CNTNAP5: variants seen among roughly 807,000 people sequenced by gnomAD.
CNTNAP5 encodes the protein contactin-associated protein-like 5.
A neutral mutation model predicts 150.2 loss-of-function variants in CNTNAP5; 72 were observed. The observed-to-expected ratio is 0.48, with a 90% CI of 0.40 to 0.58. The LOEUF (loss-of-function observed/expected upper bound fraction) is 0.58, where lower values mean the gene tolerates loss of function less well. Ranked by LOEUF, CNTNAP5 falls within the 20% of genes least tolerant of loss-of-function variation. CNTNAP5 has a pLI of 0.00. For synonymous variants in CNTNAP5, 672 were observed against 619.8 expected (o/e 1.08, Z -1.25); for missense variants, 1,636 against 1,626.2 (o/e 1.01, Z -0.10).
intron 3 of CNTNAP5, among the ~76,000 whole-genome samples, chr2:124,309,938 G>A (rs2104655863): frequency 6.6e-6 from 1 of 152,276 alleles, no homozygotes; most frequent in East Asian, 1.9e-4. Context: ...CTAGGCATCG[G>A]GAATATTTGT....
chr2:124,152,792 C>A (rs1684436643), intron 1 of CNTNAP5, among the ~76,000 whole-genome samples: 1 of 152,134 alleles, frequency 6.6e-6, no homozygotes, highest in African/African-American at 2.4e-5. Flanking sequence ...AAGGAAATAG[C>A]CAGTGATTCT....
chr2:124,889,456 T>G (rs1678149327), intron 21 of CNTNAP5, among the ~76,000 whole-genome samples: 1 of 152,134 alleles, frequency 6.6e-6, no homozygotes, highest in Non-Finnish European at 1.5e-5. Flanking sequence ...GGGTCCAGTT[T>G]CATTATTCTA....
intron 13 of CNTNAP5, among the ~76,000 whole-genome samples, chr2:124,674,554 C>CTTTCTTTCTTT (rs1573539643): frequency 1.6e-5 from 1 of 61,556 alleles, no homozygotes; most frequent in East Asian, 4.8e-4. Flanking sequence ...TTTCTTTCTT[C>CTTTCTTTCTTT]CTTTCTTCCT....
At position 124,145,796 on chromosome 2, in the gene CNTNAP5, A is replaced by AT. The variant is rs1298406588; in HGVS notation, c.83-75909_83-75908insT. 2.3e-3 allele frequency among the ~76,000 whole-genome samples: 158 copies of AT among 69,130 alleles called. 2 individuals are homozygous for AT. The highest frequency in any genetic ancestry group is 3.9e-3 in the Admixed American group (18 of 4,580). The allele number at this position is 69,130 out of a possible 152,430, so 45.4% of individuals were successfully genotyped here. A position where few individuals can be genotyped will look rare whatever the true frequency, so the allele number is the denominator to read the frequency against. On this transcript the variant is annotated intron_variant, in intron 1 of 23. Coordinates refer to ENST00000682447, the MANE Select transcript of CNTNAP5 (RefSeq NM_001367498.1). Reference sequence around the variant, plus strand: ...GTACCCTAAAACTTAAAGTATAATAAAAAAAAAAAAAACATTAAAAAAAAA... The same window carrying AT: ...GTACCCTAAAACTTAAAGTATAATAATAAAAAAAAAAAACATTAAAAAAAAA...
At chr2:124,679,035 G>A (rs1679005273) in intron 13 of CNTNAP5, among the ~76,000 whole-genome samples, 1 of 151,918 alleles carries the variant, frequency 6.6e-6, no homozygotes, top group Non-Finnish European at 1.5e-5. Flanking sequence ...GTTTCAGGCA[G>A]GAAAGCAGAA....
chr2:124,165,714 C>T (rs111412040), intron 1 of CNTNAP5, among the ~76,000 whole-genome samples: 1,798 of 152,156 alleles, frequency 0.012, 32 homozygotes, highest in African/African-American at 0.04. Flanking sequence ...TTTAAGTCAC[C>T]AAACATGGAG....
chr2:124,450,580 A>G (rs966102834), intron 6 of CNTNAP5, among the ~76,000 whole-genome samples: 3 of 140,590 alleles, frequency 2.1e-5, no homozygotes, highest in Admixed American at 1.4e-4. Context: ...AAAAAAAAAA[A>G]GGGCAGAATG....
chr2:124,216,384 C>A (rs1368790931), intron 1 of CNTNAP5, among the ~76,000 whole-genome samples: 5 of 151,526 alleles, frequency 3.3e-5, no homozygotes, highest in African/African-American at 1.2e-4. Context: ...TTAAAAAATT[C>A]TTTTTTTTAA....
At chr2:124,077,512 A>G (rs1034176737) in intron 1 of CNTNAP5, among the ~76,000 whole-genome samples, 13 of 152,168 alleles carry the variant, frequency 8.5e-5, no homozygotes, top group African/African-American at 3.1e-4. Context: ...TGTCTGATGA[A>G]CCAAGCACAT....
intron 13 of CNTNAP5, among the ~76,000 whole-genome samples, chr2:124,703,622 G>C (rs1039092940): frequency 6.6e-6 from 1 of 152,142 alleles, no homozygotes; most frequent in African/African-American, 2.4e-5. Context: ...TGGCTAGTTT[G>C]AATATACCAT....
At chr2:124,756,173 A>G (rs1280642897) in intron 14 of CNTNAP5, among the ~76,000 whole-genome samples, 1 of 152,222 alleles carries the variant, frequency 6.6e-6, no homozygotes, top group African/African-American at 2.4e-5. Context: ...TGGATGTCTA[A>G]GAAAAGTCTG....
intron 18 of CNTNAP5, among the ~76,000 whole-genome samples, chr2:124,796,648 C>T (rs1681852349): frequency 6.6e-6 from 1 of 152,132 alleles, no homozygotes; most frequent in Non-Finnish European, 1.5e-5. Context: ...AGAATTTTCA[C>T]AAGGTGGAAC....
At chr2:124,338,834 A>G (rs775215851) in intron 3 of CNTNAP5, among the ~76,000 whole-genome samples, 33 of 152,086 alleles carry the variant, frequency 2.2e-4, no homozygotes, top group Non-Finnish European at 3.8e-4. Flanking sequence ...ACTTTGGGAT[A>G]TTTTTCACTG....
intron 19 of CNTNAP5, among the ~76,000 whole-genome samples, chr2:124,859,385 C>A (rs7586811): frequency 0.031 from 4,695 of 152,222 alleles, 235 homozygotes; most frequent in African/African-American, 0.11. Flanking sequence ...GTTAGAATGG[C>A]AATCATTAAA....
intron 11 of CNTNAP5, among the ~76,000 whole-genome samples, chr2:124,578,447 T>C (rs1558961880): frequency 6.6e-6 from 1 of 151,948 alleles, no homozygotes; most frequent in Non-Finnish European, 1.5e-5. Flanking sequence ...CCCCACAGTC[T>C]TGGAACTGTA....
At position 124,918,437 on chromosome 2, in the gene CNTNAP5, T is replaced by C. The variant is rs1479360487; in HGVS notation, c.*4149T>C. On this transcript the variant is annotated 3_prime_UTR_variant, in exon 24 of 24. Coordinates refer to ENST00000682447, the MANE Select transcript of CNTNAP5 (RefSeq NM_001367498.1). Reference sequence around the variant, plus strand: ...CTCACCTCTGAGCCTGAGTGAGTGTTTCCTGTCTTGAAGGTCATACTTGCT... The same window carrying C: ...CTCACCTCTGAGCCTGAGTGAGTGTCTCCTGTCTTGAAGGTCATACTTGCT... Among the ~76,000 whole-genome samples the C allele has an allele frequency of 6.6e-6, 1 of 152,060 alleles. No individual in the cohort carries two copies. Among genetic ancestry groups the C allele is most frequent in the African/African-American group, 2.4e-5 (1 of 41,426 alleles).
intron 11 of CNTNAP5, among the ~76,000 whole-genome samples, chr2:124,586,831 G>GGA (rs1362925997): frequency 2.6e-5 from 4 of 152,156 alleles, no homozygotes; most frequent in African/African-American, 9.7e-5. Context: ...AAGATTTCCT[G>GGA]GAGACTCTGA....
chr2:124,894,534 G>GT (rs561652098), intron 21 of CNTNAP5, among the ~76,000 whole-genome samples: 21 of 150,136 alleles, frequency 1.4e-4, no homozygotes, highest in Admixed American at 1.4e-3. Flanking sequence ...AAATCCTGCT[G>GT]TTTTTTATTT....
At chr2:124,142,462 A>C (rs1330355210) in intron 1 of CNTNAP5, among the ~76,000 whole-genome samples, 1 of 151,022 alleles carries the variant, frequency 6.6e-6, no homozygotes, top group Non-Finnish European at 1.5e-5. Flanking sequence ...GTGCAATCAA[A>C]CTAGAACTCA....
Sources: allele counts gnomAD v4.1 joint callset (sites outside exome capture counted in the v4.1 genomes callset), GRCh38; gene constraint gnomAD v4.1.1; transcripts MANE v1.5; gene names NCBI Gene and HGNC (gene_info 2026-07-23, HGNC 2026-07-21).